The following PPP3CA variants were observed in gnomAD, a reference collection of about 807,000 sequenced individuals.
The protein encoded by PPP3CA is protein phosphatase 3 catalytic subunit alpha, also known as CAM-PRP catalytic subunit.
Under a neutral mutation model 66.5 loss-of-function variants are expected in PPP3CA, and 14 were observed. The ratio of observed to expected loss-of-function variants is 0.21; its 90% CI spans 0.14 to 0.33. The LOEUF is 0.33. PPP3CA is among the 10% of genes least tolerant of loss of function. The probability of loss-of-function intolerance (pLI) is 1.00; values close to 1 mark genes in which losing one functional copy is unlikely to be tolerated. For synonymous variants in PPP3CA, 232 were observed against 226.2 expected (o/e 1.03, Z -0.23); for missense variants, 317 against 639.5 (o/e 0.50, Z 5.44).
chr4:101,334,455 G>A (rs1427124301), intron 1 of PPP3CA, among the ~76,000 whole-genome samples: 1 of 151,922 alleles, frequency 6.6e-6, no homozygotes, highest in Non-Finnish European at 1.5e-5. Flanking sequence ...ATTTCAAAGA[G>A]GCATGGGATA....
intron 1 of PPP3CA, among the ~76,000 whole-genome samples, chr4:101,198,653 T>A (rs1464830771): frequency 6.6e-6 from 1 of 152,080 alleles, no homozygotes; most frequent in Non-Finnish European, 1.5e-5. Context: ...AATCTGAAAG[T>A]GCCAAAGCAT....
intron 8 of PPP3CA, among the ~76,000 whole-genome samples, chr4:101,071,745 T>C (rs969867236): frequency 5.3e-5 from 8 of 152,296 alleles, no homozygotes; most frequent in African/African-American, 1.9e-4. Context: ...TGTAATTCTA[T>C]AGGCAAAGCT....
chr4:101,332,744 T>A (rs1442464441), intron 1 of PPP3CA, among the ~76,000 whole-genome samples: 2 of 152,316 alleles, frequency 1.3e-5, no homozygotes, highest in African/African-American at 4.8e-5. Flanking sequence ...AAAATTAGTA[T>A]CGTTTCCAAA....
chr4:101,238,696 ATC>A (rs1726205127), intron 1 of PPP3CA, among the ~76,000 whole-genome samples: 1 of 152,058 alleles, frequency 6.6e-6, no homozygotes, highest in East Asian at 1.9e-4. Flanking sequence ...ATCAATATTT[ATC>A]TCAGGCCACA....
At chr4:101,333,103 C>CTT (rs66790132) in intron 1 of PPP3CA, among the ~76,000 whole-genome samples, 10 of 88,288 alleles carry the variant, frequency 1.1e-4, no homozygotes, top group African/African-American at 3.9e-4. Flanking sequence ...CATCTTCTTT[C>CTT]TTTTTTTTTT....
chr4:101,332,153 C>T (rs1216222951), intron 1 of PPP3CA, among the ~76,000 whole-genome samples: 2 of 152,104 alleles, frequency 1.3e-5, no homozygotes, highest in African/African-American at 4.8e-5. Context: ...GGAGAACAGA[C>T]ATCCAACTGT....
chr4:101,081,024 G>C (rs988499445), intron 7 of PPP3CA, among the ~76,000 whole-genome samples: 1 of 151,956 alleles, frequency 6.6e-6, no homozygotes, highest in Non-Finnish European at 1.5e-5. Context: ...CAAATAAGTA[G>C]AGCAAGATAC....
intron 2 of PPP3CA, among the ~76,000 whole-genome samples, chr4:101,135,177 C>A (rs997062251): frequency 2.6e-5 from 4 of 151,714 alleles, no homozygotes; most frequent in Admixed American, 6.6e-5. Flanking sequence ...ATGTAACAAA[C>A]CTGCACCTTC....
At chr4:101,072,411 C>G (rs762722313) in intron 8 of PPP3CA, among the ~76,000 whole-genome samples, 11 of 152,132 alleles carry the variant, frequency 7.2e-5, no homozygotes, top group Non-Finnish European at 1.3e-4. Context: ...CATGTGGGCT[C>G]TGCAGTCAGT....
intron 8 of PPP3CA, among the ~76,000 whole-genome samples, chr4:101,074,014 G>T (rs114133701): frequency 0.015 from 2,280 of 152,246 alleles, 56 homozygotes; most frequent in African/African-American, 0.052. Flanking sequence ...TGTTGTTACG[G>T]GGCAAAGTCT....
chr4:101,337,954 A>G (rs1273141556), intron 1 of PPP3CA, among the ~76,000 whole-genome samples: 2 of 152,218 alleles, frequency 1.3e-5, no homozygotes, highest in East Asian at 3.8e-4. Flanking sequence ...ATTGGTATAT[A>G]CACAGTAAGT....
intron 2 of PPP3CA, among the ~76,000 whole-genome samples, chr4:101,153,586 G>T (rs1723212566): frequency 6.6e-6 from 1 of 152,150 alleles, no homozygotes; most frequent in Admixed American, 6.5e-5. Context: ...CAAAGAGGGT[G>T]TCAAAATATC....
chr4:101,214,036 C>T (rs555332532), intron 1 of PPP3CA, among the ~76,000 whole-genome samples: 15 of 152,128 alleles, frequency 9.9e-5, no homozygotes, highest in Admixed American at 3.9e-4. Flanking sequence ...TCAATCTGTA[C>T]TCATATGCCA....
intron 10 of PPP3CA, among the ~76,000 whole-genome samples, chr4:101,058,846 A>C (rs2110223438): frequency 6.6e-6 from 1 of 152,264 alleles, no homozygotes; most frequent in South Asian, 2.1e-4. Context: ...CCTGGTACTT[A>C]GTAGATACTG....
At chr4:101,243,841 T>C (rs988326780) in intron 1 of PPP3CA, among the ~76,000 whole-genome samples, 3 of 152,192 alleles carry the variant, frequency 2.0e-5, no homozygotes, top group Non-Finnish European at 4.4e-5. Context: ...TATTCCATCT[T>C]TTTGACCTTG....
intron 3 of PPP3CA, among the ~76,000 whole-genome samples, chr4:101,106,449 GAAAGAGAAAAGAAAAGAAAAGAAAAGA>G: frequency 1.8e-4 from 1 of 5,550 alleles, no homozygotes; most frequent in Admixed American, 2.7e-3. Context: ...AAGAAAGAAA[GAAAGAGAAAAGAAAAGAAAAGAAAAGA>G]AAAGAAAAGA....
intron 6 of PPP3CA, among the ~76,000 whole-genome samples, chr4:101,089,147 A>G (rs1322541507): frequency 6.6e-6 from 1 of 151,882 alleles, no homozygotes; most frequent in Non-Finnish European, 1.5e-5. Flanking sequence ...ACATAGATTC[A>G]GGAACTGGCC....
intron 8 of PPP3CA, among the ~76,000 whole-genome samples, chr4:101,066,172 T>C (rs1256089176): frequency 6.6e-6 from 1 of 152,126 alleles, no homozygotes; most frequent in East Asian, 1.9e-4. Flanking sequence ...TTCTAGTACA[T>C]CATAATACAC....
intron 1 of PPP3CA, among the ~76,000 whole-genome samples, chr4:101,277,541 C>A (rs570282649): frequency 6.6e-6 from 1 of 152,272 alleles, no homozygotes; most frequent in African/African-American, 2.4e-5. Context: ...GCAAAAGTTT[C>A]TAATGGTTCT....
Sources: gnomAD v4.1 joint callset for allele counts (sites outside exome capture counted in the v4.1 genomes callset) on GRCh38, gnomAD v4.1.1 for gene constraint, MANE v1.5 for transcripts, NCBI Gene and HGNC (gene_info 2026-07-23, HGNC 2026-07-21) for gene names.